The following TRPM1 variants were observed in gnomAD, a reference collection of about 807,000 sequenced individuals.
TRPM1 encodes the protein TRPM1-203 APA Isoform, Intron 10.
A neutral mutation model predicts 149.4 loss-of-function variants in TRPM1; 113 were observed. The ratio of observed to expected loss-of-function variants is 0.76; its 90% CI spans 0.65 to 0.88. The LOEUF (loss-of-function observed/expected upper bound fraction) is 0.88. Ranked by LOEUF, TRPM1 falls within the 40% of genes least tolerant of loss-of-function variation. The pLI is 0.00. For missense variants in TRPM1, 1,976 were observed against 2,038.7 expected (o/e 0.97, Z 0.59); for synonymous variants, 741 against 759.5 (o/e 0.98, Z 0.40).
At chr15:31,057,364 A>G (rs2034112460) in intron 11 of TRPM1, among the ~76,000 whole-genome samples, 2 of 152,176 alleles carry the variant, frequency 1.3e-5, no homozygotes, top group South Asian at 4.1e-4. Context: ...AGAGGGGAAT[A>G]ACAGACACTG....
intron 20 of TRPM1, among the ~76,000 whole-genome samples, chr15:31,036,937 T>TCCCAC (rs2033412036): frequency 6.6e-6 from 1 of 152,112 alleles, no homozygotes; most frequent in Admixed American, 6.5e-5. Flanking sequence ...CATACCCTGC[T>TCCCAC]CTCACCTCAT....
chr15:31,041,895 A>G, intron 17 of TRPM1, 56 bp downstream of exon 17: 1 of 1,598,716 alleles, frequency 6.3e-7, no homozygotes, highest in South Asian at 1.1e-5. Flanking sequence ...CCCTGCAGAG[A>G]CAAGTACTCA....
Position 31,003,081 on chromosome 15 carries a change from T to C in TRPM1, c.3630-11A>G. 6.3e-7 allele frequency: 1 copy of C among 1,595,982 alleles called. No individual in the cohort carries two copies. The highest frequency in any genetic ancestry group is 2.2e-5 in the East Asian group (1 of 44,802). On this transcript the variant is annotated splice_polypyrimidine_tract_variant and intron_variant, in intron 27 of 27. Coordinates refer to ENST00000256552, the MANE Select transcript of TRPM1 (RefSeq NM_001252024.2). ...GACATATTTTCAACTCTGGTGAATATAAAGGGATAGATTTATTAAACTGAG... is the reference window on the plus strand; with the variant it reads ...GACATATTTTCAACTCTGGTGAATACAAAGGGATAGATTTATTAAACTGAG...
At chr15:31,113,008 G>GTAA (rs2035714750) in intron 1 of TRPM1, among the ~76,000 whole-genome samples, 1 of 152,214 alleles carries the variant, frequency 6.6e-6, no homozygotes, top group African/African-American at 2.4e-5. Flanking sequence ...TGAGGTGCCG[G>GTAA]TAAGTGTTCC....
exon 1 of TRPM1, chr15:31,161,096 C>A: frequency 1.2e-6 from 1 of 849,656 alleles, no homozygotes; most frequent in South Asian, 1.5e-5. Context: ...GGCAGCCCCA[C>A]GCACTGGGCG....
intron 1 of TRPM1, among the ~76,000 whole-genome samples, chr15:31,154,206 A>G (rs895527828): frequency 6.6e-6 from 1 of 152,204 alleles, no homozygotes; most frequent in African/African-American, 2.4e-5. Flanking sequence ...ATTGCCTTGT[A>G]TGAAAGTACA....
At chr15:31,113,812 C>T (rs903779100) in intron 1 of TRPM1, among the ~76,000 whole-genome samples, 3 of 152,134 alleles carry the variant, frequency 2.0e-5, no homozygotes, top group African/African-American at 7.2e-5. Context: ...TTAGCAACAG[C>T]AAGATTTATT....
At chr15:31,084,640 A>G (rs976715849) in intron 1 of TRPM1, among the ~76,000 whole-genome samples, 8 of 151,504 alleles carry the variant, frequency 5.3e-5, no homozygotes, top group Non-Finnish European at 1.2e-4. Context: ...TGCTATCAGT[A>G]AGACATTTTT....
At chr15:31,098,193 C>G (rs1353306493) in intron 1 of TRPM1, among the ~76,000 whole-genome samples, 1 of 152,006 alleles carries the variant, frequency 6.6e-6, no homozygotes, top group African/African-American at 2.4e-5. Flanking sequence ...CCCAGCCCAG[C>G]ATTTTGGGAG....
chr15:31,042,010 G>A lies in TRPM1; in HGVS notation c.2028C>T (p.His676=), dbSNP rs746945047. 12 of 1,614,056 alleles carry A rather than the reference G, an allele frequency of 7.4e-6. No individual in the cohort carries two copies. The Admixed American group carries it at 8.3e-5, about 11-fold the overall frequency. The stretch of plus-strand genomic sequence containing the variant: ...CCACCAGATCACTCTCGGAGGACTC[G>A]TGGGCCATGGCCTTGTAGAGCTTGC... ...VACKLYKAMA[H]ESSESDLVDD... The change falls in exon 17 of 28, where the codon CAC becomes CAT. Residue 676 remains histidine, a synonymous_variant. Coordinates refer to ENST00000256552, the MANE Select transcript of TRPM1 (RefSeq NM_001252024.2).
Position 31,060,572 on chromosome 15 carries a change from T to C in TRPM1, c.1235A>G (p.Gln412Arg). The C allele has an allele frequency of 3.1e-6, 5 of 1,614,224 alleles. No homozygotes were observed. The highest frequency in any genetic ancestry group is 4.2e-6 in the Non-Finnish European group (5 of 1,180,016). ...CCAGTGGGGCCCAAAGACAAAGATC[T>C]GGCTTCGTGCTATGTCCACGCGGTT... Reference protein sequence around the residue: ...AWNRVDIARSQIFVFGPHWPP... With the variant: ...AWNRVDIARSRIFVFGPHWPP... The change falls in exon 11 of 28, where the codon CAG (glutamine) becomes CGG (arginine). Residue 412 changes from glutamine (Q) to arginine (R), a missense_variant. This residue lies in a region of TRPM1 where 1,332 missense variants were observed against 1,347.1 expected (regional missense o/e 0.99). Transcript: ENST00000256552.
chr15:31,014,695 T>C (rs1195299319), intron 27 of TRPM1, among the ~76,000 whole-genome samples: 2 of 152,168 alleles, frequency 1.3e-5, no homozygotes, highest in African/African-American at 4.8e-5. Flanking sequence ...CTTTTGTTCA[T>C]GTCACCCCAT....
intron 27 of TRPM1, among the ~76,000 whole-genome samples, chr15:31,023,676 G>A (rs2032624373): frequency 6.6e-6 from 1 of 152,210 alleles, no homozygotes; most frequent in Non-Finnish European, 1.5e-5. Context: ...ACAATGATTT[G>A]CCAGTTTGCT....
chr15:31,032,085 C>G (rs1419953821), intron 22 of TRPM1, among the ~76,000 whole-genome samples: 1 of 146,674 alleles, frequency 6.8e-6, no homozygotes. Context: ...AAATCCATGT[C>G]CCTGTACTAA....
intron 18 of TRPM1, 140 bp from the exon 19 acceptor site, chr15:31,038,306 G>C (rs2033494477): frequency 1.0e-6 from 1 of 966,988 alleles, no homozygotes; most frequent in Non-Finnish European, 1.5e-6. Flanking sequence ...CTGACGTTCT[G>C]TGACATGTGC....
intron 3 of TRPM1, among the ~76,000 whole-genome samples, chr15:31,074,087 G>C (rs1190723062): frequency 6.6e-6 from 1 of 151,188 alleles, no homozygotes; most frequent in Non-Finnish European, 1.5e-5. Flanking sequence ...ATATGTTGCT[G>C]GATTTGGTTT....
At chr15:31,119,542 C>T (rs183557109) in intron 1 of TRPM1, among the ~76,000 whole-genome samples, 1 of 152,070 alleles carries the variant, frequency 6.6e-6, no homozygotes, top group Admixed American at 6.5e-5. Flanking sequence ...AGATATGGGT[C>T]AGAAACTCAA....
At chr15:31,100,148 C>T (rs1172038130) in intron 1 of TRPM1, among the ~76,000 whole-genome samples, 3 of 150,946 alleles carry the variant, frequency 2.0e-5, no homozygotes, top group Admixed American at 1.3e-4. Context: ...GGCGCAGTCT[C>T]GGCTCACTGC....
At chr15:31,082,575 G>A (rs567707217) in intron 1 of TRPM1, among the ~76,000 whole-genome samples, 2 of 152,326 alleles carry the variant, frequency 1.3e-5, no homozygotes, top group South Asian at 2.1e-4. Flanking sequence ...AGGACCCAGC[G>A]ATTTTTCATC....
Sources: gnomAD v4.1 joint callset for allele counts (sites outside exome capture counted in the v4.1 genomes callset) on GRCh38, gnomAD v4.1.1 for gene constraint, gnomAD v4.1.1 regional missense constraint, MANE v1.5 for transcripts, NCBI Gene and HGNC (gene_info 2026-07-23, HGNC 2026-07-21) for gene names.